ADGRG6: variants seen among roughly 807,000 people sequenced by gnomAD.
ADGRG6 encodes the protein G-protein coupled receptor 126.
In ADGRG6, 84 loss-of-function variants were observed where a neutral mutation model predicts 142.4. The observed-to-expected ratio is 0.59, with a 90% CI of 0.49 to 0.71. ADGRG6 has a LOEUF of 0.71. ADGRG6 is among the 30% of genes least tolerant of loss of function. The pLI is 0.00. For missense variants in ADGRG6, 1,367 were observed against 1,466.6 expected (o/e 0.93, Z 1.11); for synonymous variants, 521 against 520.5 (o/e 1.00, Z -0.01).
chr6:142,408,197 C>T lies in ADGRG6; in HGVS notation c.2316C>T (p.Cys772=). 1 of 1,582,492 alleles carries T rather than the reference C, an allele frequency of 6.3e-7. No homozygotes were observed. The highest frequency in any genetic ancestry group is 1.1e-5 in the South Asian group (1 of 87,136). The part of the protein sequence containing the change: ...RKTLVSYVMA[C]SIGNITIQNL... ...CTTTAGTGAGTTATGTGATGGCGTG[C>T]AGTATTGGAAACATTACTATCCAGA... Residue 772 remains cysteine (C), a synonymous_variant, in exon 16 of 25, where the codon TGC becomes TGT. Transcript: ENST00000367609.
intron 2 of ADGRG6, among the ~76,000 whole-genome samples, chr6:142,343,950 A>G (rs746985109): frequency 2.6e-5 from 4 of 152,060 alleles, no homozygotes; most frequent in South Asian, 4.1e-4. Flanking sequence ...AGTTCGCAAC[A>G]CTGAATTCCT....
intron 2 of ADGRG6, among the ~76,000 whole-genome samples, chr6:142,337,953 A>G (rs1328279502): frequency 2.0e-5 from 3 of 148,124 alleles, no homozygotes; most frequent in Non-Finnish European, 4.5e-5. Context: ...CTGAATTTAT[A>G]TATACTTTTG....
At chr6:142,360,292 A>G (rs894904873) in intron 2 of ADGRG6, among the ~76,000 whole-genome samples, 1 of 152,226 alleles carries the variant, frequency 6.6e-6, no homozygotes, top group Admixed American at 6.5e-5. Flanking sequence ...AAGCTAGGAT[A>G]TGGTGCTCAG....
At chr6:142,405,301 GTCTCTT>G (rs1562371182) in intron 14 of ADGRG6, 6 of 455,930 alleles carry the variant, frequency 1.3e-5, no homozygotes, top group Admixed American at 9.5e-5. Flanking sequence ...GTTAACTTCA[GTCTCTT>G]TCTCTTTCTC....
At chr6:142,442,403 C>A (rs921257015) in intron 24 of ADGRG6, among the ~76,000 whole-genome samples, 2 of 152,032 alleles carry the variant, frequency 1.3e-5, no homozygotes, top group Non-Finnish European at 2.9e-5. Flanking sequence ...GACAACCATA[C>A]GTCTTTATAG....
intron 1 of ADGRG6, among the ~76,000 whole-genome samples, chr6:142,306,565 A>G (rs1010485495): frequency 6.6e-6 from 1 of 152,052 alleles, no homozygotes; most frequent in South Asian, 2.1e-4. Context: ...TTTTTTGCAT[A>G]ATCTTTAGGT....
intron 2 of ADGRG6, among the ~76,000 whole-genome samples, chr6:142,331,422 AGAAAT>A (rs1779058147): frequency 6.6e-6 from 1 of 152,174 alleles, no homozygotes; most frequent in Non-Finnish European, 1.5e-5. Context: ...TTGCAGAGTC[AGAAAT>A]GAAAAGAGAT....
intron 6 of ADGRG6, among the ~76,000 whole-genome samples, chr6:142,387,398 G>A (rs1042825055): frequency 1.3e-5 from 2 of 152,134 alleles, no homozygotes; most frequent in African/African-American, 2.4e-5. Context: ...TCTCACATAC[G>A]TTTAGCTGCT....
At chr6:142,317,787 TA>T (rs1778175663) in intron 2 of ADGRG6, among the ~76,000 whole-genome samples, 1 of 93,960 alleles carries the variant, frequency 1.1e-5, no homozygotes, top group African/African-American at 4.5e-5. Flanking sequence ...TATATTTATA[TA>T]TAATATATAT....
intron 2 of ADGRG6, among the ~76,000 whole-genome samples, chr6:142,317,415 C>T (rs1048914181): frequency 6.6e-6 from 1 of 151,814 alleles, no homozygotes; most frequent in Non-Finnish European, 1.5e-5. Context: ...CTTGACAGAA[C>T]TTGGATTTTC....
intron 2 of ADGRG6, among the ~76,000 whole-genome samples, chr6:142,317,138 G>C (rs552953837): frequency 6.6e-6 from 1 of 152,046 alleles, no homozygotes; most frequent in African/African-American, 2.4e-5. Flanking sequence ...CTTCCAGCTT[G>C]GTAAGCATCC....
intron 2 of ADGRG6, among the ~76,000 whole-genome samples, chr6:142,358,381 G>A (rs1448805638): frequency 6.6e-6 from 1 of 152,170 alleles, no homozygotes; most frequent in Admixed American, 6.5e-5. Flanking sequence ...CTGCTTTTCT[G>A]TCTTATCATC....
intron 1 of ADGRG6, among the ~76,000 whole-genome samples, chr6:142,307,808 T>TA (rs532131972): frequency 1.0e-3 from 155 of 152,190 alleles, no homozygotes; most frequent in Non-Finnish European, 1.0e-3. Flanking sequence ...AAACAAGAGA[T>TA]ACTCTTCAAA....
chr6:142,391,915 A>G (rs1774917300), intron 7 of ADGRG6, among the ~76,000 whole-genome samples: 1 of 151,896 alleles, frequency 6.6e-6, no homozygotes, highest in Non-Finnish European at 1.5e-5. Context: ...TTCACTAGAA[A>G]GTTTGTGCTA....
chr6:142,427,328 A>G (rs547491329), intron 22 of ADGRG6, among the ~76,000 whole-genome samples: 52 of 152,268 alleles, frequency 3.4e-4, no homozygotes, highest in African/African-American at 1.3e-3. Context: ...GCAAATCTCT[A>G]GGGTGGGATC....
intron 22 of ADGRG6, among the ~76,000 whole-genome samples, chr6:142,425,895 C>T (rs896960202): frequency 1.4e-4 from 21 of 152,130 alleles, no homozygotes; most frequent in African/African-American, 4.8e-4. Context: ...GAAAAACTCC[C>T]ATTTTTAAAC....
Position 142,417,338 on chromosome 6 carries a change from G to C in ADGRG6, c.3004G>C (p.Glu1002Gln), listed in dbSNP as rs1776414685. ...SRNNNEVYGK[E>Q]SYGKEKGDEF... ...AAACAACAATGAAGTCTATGGAAAA[G>C]AAAGTTATGGGAAAGAAAAAGGTGA... is the stretch of plus-strand genomic sequence containing the variant. The change falls in exon 21 of 25, where the codon GAA becomes CAA. Residue 1002 changes from glutamate (E) to glutamine (Q), a missense_variant. By Grantham distance (29) the Glu-to-Gln change is conservative. Coordinates refer to ENST00000367609, the MANE Select transcript of ADGRG6 (RefSeq NM_198569.3). 2 of 1,592,386 alleles carry C rather than the reference G, an allele frequency of 1.3e-6. No individual in the cohort carries two copies. The highest frequency in any genetic ancestry group is 1.7e-6 in the Non-Finnish European group (2 of 1,162,054).
At chr6:142,318,620 A>T (rs554246536) in intron 2 of ADGRG6, among the ~76,000 whole-genome samples, 1 of 151,260 alleles carries the variant, frequency 6.6e-6, no homozygotes, top group Non-Finnish European at 1.5e-5. Context: ...TCTCAGAAAA[A>T]TTCTCATGGA....
intron 2 of ADGRG6, among the ~76,000 whole-genome samples, chr6:142,335,442 C>G (rs575512410): frequency 6.6e-6 from 1 of 152,036 alleles, no homozygotes; most frequent in African/African-American, 2.4e-5. Context: ...CACAAGAAAG[C>G]CTTTTACAGT....
Sources: allele counts gnomAD v4.1 joint callset (sites outside exome capture counted in the v4.1 genomes callset), GRCh38; gene constraint gnomAD v4.1.1; transcripts MANE v1.5; gene names NCBI Gene and HGNC (gene_info 2026-07-23, HGNC 2026-07-21).